CD8B2: variants seen among roughly 807,000 people sequenced by gnomAD.
CD8B2 encodes the protein T-cell surface glycoprotein CD8 beta-2 chain.
In CD8B2, 11 loss-of-function variants were observed where a neutral mutation model predicts 23.7. The ratio of observed to expected loss-of-function variants is 0.46; its 90% CI spans 0.29 to 0.77. CD8B2 has a LOEUF of 0.77. CD8B2 is among the 30% of genes least tolerant of loss of function. The probability of loss-of-function intolerance (pLI) is 0.09; values close to 1 mark genes in which losing one functional copy is unlikely to be tolerated. For missense variants in CD8B2, 197 were observed against 270.5 expected (o/e 0.73, Z 1.91); for synonymous variants, 90 against 109.3 (o/e 0.82, Z 1.10).
intron 5 of CD8B2, among the ~76,000 whole-genome samples, chr2:106,530,439 C>T (rs956318340): frequency 2.0e-5 from 3 of 152,146 alleles, no homozygotes; most frequent in South Asian, 2.1e-4. Context: ...ACTGCAGTGG[C>T]GCGATCTCGG....
chr2:106,536,030 CTT>C (rs869103310), intron 5 of CD8B2, among the ~76,000 whole-genome samples: 197 of 123,876 alleles, frequency 1.6e-3, no homozygotes, highest in Admixed American at 3.7e-3. Context: ...GCCACACACA[CTT>C]TTTTTTTTTT....
At chr2:106,537,563 C>A (rs963455443) in intron 5 of CD8B2, among the ~76,000 whole-genome samples, 1 of 152,326 alleles carries the variant, frequency 6.6e-6, no homozygotes. Context: ...TTTGAATCCA[C>A]ATATGCTTAA....
At chr2:106,488,766 C>T (rs1477153138) in intron 1 of CD8B2, among the ~76,000 whole-genome samples, 1 of 152,124 alleles carries the variant, frequency 6.6e-6, no homozygotes, top group Non-Finnish European at 1.5e-5. Context: ...GTATCTCCCC[C>T]ACAGGATTTG....
intron 5 of CD8B2, among the ~76,000 whole-genome samples, chr2:106,516,725 G>A (rs1485925142): frequency 6.6e-6 from 1 of 151,786 alleles, no homozygotes; most frequent in African/African-American, 2.4e-5. Flanking sequence ...TGGAGTGTTT[G>A]TATACCACAG....
At chr2:106,502,211 C>T (rs1679420780) in intron 3 of CD8B2, among the ~76,000 whole-genome samples, 1 of 142,478 alleles carries the variant, frequency 7.0e-6, no homozygotes, top group Non-Finnish European at 1.5e-5. Flanking sequence ...ATGAGAATCC[C>T]TTGAACCCAG....
intron 5 of CD8B2, among the ~76,000 whole-genome samples, chr2:106,522,442 T>A (rs1443930029): frequency 6.6e-6 from 1 of 152,208 alleles, no homozygotes; most frequent in Non-Finnish European, 1.5e-5. Flanking sequence ...CCTGGCAAAT[T>A]AAACTCAGTC....
intron 5 of CD8B2, among the ~76,000 whole-genome samples, chr2:106,518,317 CAGTT>C (rs1573344305): frequency 6.6e-6 from 1 of 152,118 alleles, no homozygotes; most frequent in East Asian, 1.9e-4. Context: ...AGCAATCAGT[CAGTT>C]GAGAATTGCA....
intron 5 of CD8B2, among the ~76,000 whole-genome samples, chr2:106,532,255 A>T (rs943169790): frequency 6.6e-6 from 1 of 152,234 alleles, no homozygotes; most frequent in African/African-American, 2.4e-5. Context: ...CATGACCTTG[A>T]TAGGCTTTGG....
Position 106,491,136 on chromosome 2 carries a change from T to C in CD8B2, c.306T>C (p.Asn102=). ...VFRDASRFIL[N]LTSVKPEDSG... is the part of the protein sequence containing the mutation. ...GGGATGCAAGCCGGTTCATTCTCAA[T>C]CTCACAAGCGTGAAGCCGGAGGACA... The change falls in exon 2 of 6, where the codon AAT becomes AAC. Residue 102 remains asparagine, a synonymous_variant. Coordinates refer to ENST00000643224, the MANE Select transcript of CD8B2 (RefSeq NM_001349727.2). The C allele has an allele frequency of 1.2e-6, 2 of 1,613,838 alleles. No homozygotes were observed. The highest frequency in any genetic ancestry group is 1.7e-6 in the Non-Finnish European group (2 of 1,179,758).
intron 5 of CD8B2, among the ~76,000 whole-genome samples, chr2:106,528,555 G>C (rs555938842): frequency 1.7e-4 from 26 of 152,200 alleles, no homozygotes; most frequent in African/African-American, 5.5e-4. Context: ...GAGATCATTA[G>C]ATGAGCTCAA....
At chr2:106,500,560 A>ATAAATAAATAAT (rs370350218) in intron 3 of CD8B2, among the ~76,000 whole-genome samples, 1,138 of 118,764 alleles carry the variant, frequency 9.6e-3, no homozygotes, top group African/African-American at 0.012. Context: ...AAATAAATAA[A>ATAAATAAATAAT]TAATTAAAAA....
At chr2:106,537,883 G>A (rs906712971) in intron 5 of CD8B2, 1 of 152,194 alleles carries the variant, frequency 6.6e-6, no homozygotes, top group African/African-American at 2.4e-5. Flanking sequence ...ACGCCTGCTT[G>A]TTGCTAAGCT....
chr2:106,524,894 G>A (rs1017374430), intron 5 of CD8B2, among the ~76,000 whole-genome samples: 1 of 152,048 alleles, frequency 6.6e-6, no homozygotes, highest in African/African-American at 2.4e-5. Context: ...TGAGGCCCAC[G>A]TCCCTCCCAT....
At chr2:106,525,473 G>A (rs530853538) in intron 5 of CD8B2, among the ~76,000 whole-genome samples, 7 of 152,274 alleles carry the variant, frequency 4.6e-5, no homozygotes, top group African/African-American at 1.7e-4. Flanking sequence ...AAGTACACAT[G>A]ACATGAAATT....
At chr2:106,526,824 T>C (rs1679914446) in intron 5 of CD8B2, among the ~76,000 whole-genome samples, 1 of 152,092 alleles carries the variant, frequency 6.6e-6, no homozygotes, top group African/African-American at 2.4e-5. Flanking sequence ...TAATTTTTAG[T>C]AGAGACAGGG....
downstream of CD8B2, among the ~76,000 whole-genome samples, chr2:106,513,507 C>T (rs900920408): frequency 6.6e-6 from 1 of 150,604 alleles, no homozygotes; most frequent in Non-Finnish European, 1.5e-5. Flanking sequence ...CAGCCTCTTA[C>T]AGATTTTGTG....
chr2:106,496,721 A>G (rs1335424068), intron 3 of CD8B2, among the ~76,000 whole-genome samples: 1 of 151,902 alleles, frequency 6.6e-6, no homozygotes, highest in Non-Finnish European at 1.5e-5. Context: ...TCCTCTGTAG[A>G]GACAGAATGT....
chr2:106,488,096 G>A (rs899151834), intron 1 of CD8B2, among the ~76,000 whole-genome samples: 3 of 152,070 alleles, frequency 2.0e-5, no homozygotes, highest in African/African-American at 7.2e-5. Flanking sequence ...CAGCCAGACT[G>A]CCTTTTGGAA....
At chr2:106,535,949 T>G (rs1457460060) in intron 5 of CD8B2, among the ~76,000 whole-genome samples, 1 of 151,532 alleles carries the variant, frequency 6.6e-6, no homozygotes, top group Non-Finnish European at 1.5e-5. Context: ...TTTTCAATAA[T>G]GGTGGAAGGC....
Sources: gnomAD v4.1 joint callset for allele counts (sites outside exome capture counted in the v4.1 genomes callset) on GRCh38, gnomAD v4.1.1 for gene constraint, MANE v1.5 for transcripts, NCBI Gene and HGNC (gene_info 2026-07-23, HGNC 2026-07-21) for gene names.